The following ZNF268 variants were observed in gnomAD, a reference collection of about 807,000 sequenced individuals.
ZNF268 encodes the protein zinc finger protein 3.
In ZNF268, 20 loss-of-function variants were observed where a neutral mutation model predicts 29.3. That is an observed-to-expected ratio of 0.68 (90% CI 0.48 to 0.99). The LOEUF is 0.99. Ranked by LOEUF, ZNF268 falls within the 50% of genes least tolerant of loss-of-function variation. The probability of loss-of-function intolerance (pLI) is 0.00; values close to 1 mark genes in which losing one functional copy is unlikely to be tolerated. For missense variants in ZNF268, 1,240 were observed against 1,121.6 expected (o/e 1.11, Z -1.51); for synonymous variants, 429 against 376.9 (o/e 1.14, Z -1.60).
rs1365149315 is a variant in ZNF268 at position 133,212,487 on chromosome 12, ATATATATATATG to A, written c.*7966_*7977del. ...TATATATATATATATATATATATAT[ATATATATATATG>A]TATATATACACACACACATACACAC... On this transcript the variant is annotated 3_prime_UTR_variant, in exon 6 of 6. Transcript: ENST00000536435. The A allele has an allele frequency of 0.029, 629 of 21,778 alleles. 25 individuals are homozygous for A. The highest frequency in any genetic ancestry group is 0.16 in the African/African-American group (594 of 3,732). The allele number at this position is 21,778 out of a possible 1,614,324, so 1.3% of individuals were successfully genotyped here. A position where few individuals can be genotyped will look rare whatever the true frequency, so the allele number is the denominator to read the frequency against.
rs908975234 is a variant in ZNF268, at chr12:133,210,605, G to C, written c.*6075G>C. ...GTGATGCATCCCCCAGGTTGGTCCT[G>C]AGATGAGGTAAATTCTGGTCATCAC... is the stretch of plus-strand genomic sequence containing the variant. On this transcript the variant is annotated 3_prime_UTR_variant, in exon 6 of 6. Coordinates refer to ENST00000536435, the MANE Select transcript of ZNF268 (RefSeq NM_003415.3). 1.8e-5 allele frequency: 6 copies of C among 333,982 alleles called. No homozygotes were observed. The Admixed American group carries it at 2.3e-4, about 13-fold the overall frequency. The allele number at this position is 333,982 out of a possible 1,614,324, so 20.7% of individuals were successfully genotyped here.
In ZNF268 at chr12:133,204,594, ACT is replaced by A. The variant is rs902394146; in HGVS notation, c.*67_*68del. The A allele has an allele frequency of 7.0e-5, 86 of 1,226,804 alleles. 1 individual carries two copies. The African/African-American group carries it at 1.1e-3, about 15-fold the overall frequency. The allele number at this position is 1,226,804 out of a possible 1,614,324, so 76.0% of individuals were successfully genotyped here. A position where few individuals can be genotyped will look rare whatever the true frequency, so the allele number is the denominator to read the frequency against. ...TAGAAACAATCATATATAAAGAGAAACTCTGTAAGTGGAATCATCTTGTCATC... is the reference window on the plus strand; with the variant it reads ...TAGAAACAATCATATATAAAGAGAAACTGTAAGTGGAATCATCTTGTCATC... On this transcript the variant is annotated 3_prime_UTR_variant, in exon 6 of 6. Transcript: ENST00000536435.
Position 133,187,884 on chromosome 12 carries a change from C to G in ZNF268, c.46C>G (p.Gln16Glu). ...CTTGAGTCCACAGGTCCCACCTCTC[C>G]AAGAACGAAACAGTTCATGGGATAG... ...RTASIWVPPL[Q>E]ERNSSWDRIR... The change falls in exon 3 of 6, where the codon CAA becomes GAA. Residue 16 changes from glutamine to glutamate, a missense_variant. This residue lies in a region of ZNF268 where 51 missense variants were observed against 51.4 expected (regional missense o/e 0.99). Coordinates refer to ENST00000536435, the MANE Select transcript of ZNF268 (RefSeq NM_003415.3). 1.9e-6 allele frequency: 3 copies of G among 1,594,300 alleles called. No homozygotes were observed. The highest frequency in any genetic ancestry group is 1.1e-5 in the South Asian group (1 of 87,608).
rs1394530083 is a variant in ZNF268 at position 133,198,847 on chromosome 12, G to A, written c.458-3297G>A. Among the ~76,000 whole-genome samples the A allele has an allele frequency of 3.4e-5, 5 of 148,636 alleles. No individual in the cohort carries two copies. The South Asian group carries it at 8.6e-4, about 26-fold the overall frequency. On this transcript the variant is annotated intron_variant, in intron 5 of 5. Coordinates refer to ENST00000536435, the MANE Select transcript of ZNF268 (RefSeq NM_003415.3). ...TTTGGCTCTCTGTTTGTCTGTTATT[G>A]GTGTATAAGAATGCTTGTGATTTTT... is the stretch of plus-strand genomic sequence containing the variant.
rs1956892872 is a variant in ZNF268 at position 133,206,014 on chromosome 12, T to C, written c.*1484T>C. 6.6e-6 allele frequency: 1 copy of C among 152,250 alleles called. No homozygotes were observed. The highest frequency in any genetic ancestry group is 1.5e-5 in the Non-Finnish European group (1 of 68,040). The allele number at this position is 152,250 out of a possible 1,614,324, so 9.4% of individuals were successfully genotyped here. On this transcript the variant is annotated 3_prime_UTR_variant, in exon 6 of 6. Transcript: ENST00000536435. ...AACAGCTTTTGTTACTGTCATTTTC[T>C]TAACTTTGTTCACTTGTCTTTTATT... is the stretch of plus-strand genomic sequence containing the variant.
In ZNF268 at chr12:133,210,210, A is replaced by G. The variant is rs945617125; in HGVS notation, c.*5680A>G. The G allele has an allele frequency of 6.6e-6, 1 of 152,474 alleles. No homozygotes were observed. Among genetic ancestry groups the G allele is most frequent in the Non-Finnish European group, 1.5e-5 (1 of 68,270 alleles). 9.4% of individuals were successfully genotyped at this position (152,474 alleles called of 1,614,324 possible). On this transcript the variant is annotated 3_prime_UTR_variant, in exon 6 of 6. Coordinates refer to ENST00000536435, the MANE Select transcript of ZNF268 (RefSeq NM_003415.3). ...GACATCGCCCCAGATTGGTCCGGAA[A>G]GTGCACTGGTCGTCACTGTGGGTGT...
chr12:133,192,650 C>A (rs1195801964), intron 5 of ZNF268, among the ~76,000 whole-genome samples: 1 of 152,064 alleles, frequency 6.6e-6, no homozygotes, highest in African/African-American at 2.4e-5. Flanking sequence ...AGATTCTACC[C>A]CTTTTGTGCT....
At chr12:133,182,267 G>GT (rs1452205833) in intron 2 of ZNF268, among the ~76,000 whole-genome samples, 10 of 152,156 alleles carry the variant, frequency 6.6e-5, no homozygotes, top group Non-Finnish European at 1.5e-4. Flanking sequence ...GAACTTTGGA[G>GT]TTAAACAAGG....
chr12:133,181,857 TGGCA>T (rs1287196787), intron 1 of ZNF268, 85 bp from the exon 2 acceptor site: 1 of 798,924 alleles, frequency 1.3e-6, no homozygotes. Flanking sequence ...GCTCCGAGAA[TGGCA>T]GGCAGCCCTG....
chr12:133,202,736 T>A lies in ZNF268; in HGVS notation c.1050T>A (p.His350Gln). ...GTTTCCATTCACAGCTTGTTATACATCAGAGAATTCACACAGGTGAGAATC... is the reference window on the plus strand; with the variant it reads ...GTTTCCATTCACAGCTTGTTATACAACAGAGAATTCACACAGGTGAGAATC... The part of the protein sequence containing the change: ...TFSFHSQLVI[H>Q]QRIHTGENPY... The change falls in exon 6 of 6, where the codon CAT (histidine) becomes CAA (glutamine). Residue 350 changes from histidine to glutamine, a missense_variant. His to Gln is a conservative substitution (Grantham distance 24, BLOSUM62 0). Around this residue, in one of 3 missense-constraint regions of ZNF268, gnomAD observed 1,177 missense variants for 1,039.6 expected, o/e 1.13. Transcript: ENST00000536435. 6.2e-7 allele frequency: 1 copy of A among 1,611,962 alleles called. No homozygotes were observed. Among genetic ancestry groups the A allele is most frequent in the Non-Finnish European group, 8.5e-7 (1 of 1,179,260 alleles).
chr12:133,210,656 G>T lies in ZNF268; in HGVS notation c.*6126G>T. On this transcript the variant is annotated 3_prime_UTR_variant, in exon 6 of 6. Coordinates refer to ENST00000536435, the MANE Select transcript of ZNF268 (RefSeq NM_003415.3). Reference sequence around the variant, plus strand: ...TGTGAAGTGCCCTCGGGGGTCTCCGGGTCCTGAGTAGAAGCAAGGTCTGTT... The same window carrying T: ...TGTGAAGTGCCCTCGGGGGTCTCCGTGTCCTGAGTAGAAGCAAGGTCTGTT... The T allele has an allele frequency of 2.8e-6, 1 of 354,604 alleles. No homozygotes were observed. The highest frequency in any genetic ancestry group is 3.7e-5 in the Admixed American group (1 of 27,358). The allele number at this position is 354,604 out of a possible 1,614,324, so 22.0% of individuals were successfully genotyped here.
At chr12:133,182,471 C>T (rs1956200618) in intron 2 of ZNF268, among the ~76,000 whole-genome samples, 1 of 152,040 alleles carries the variant, frequency 6.6e-6, no homozygotes, top group East Asian at 1.9e-4. Context: ...TCATCCCTGT[C>T]TTGAAGAACA....
Position 133,205,638 on chromosome 12 carries a change from A to G in ZNF268, c.*1108A>G, listed in dbSNP as rs574592541. The G allele has an allele frequency of 1.3e-5, 2 of 152,214 alleles. No homozygotes were observed. Among genetic ancestry groups the G allele is most frequent in the Non-Finnish European group, 2.9e-5 (2 of 68,038 alleles). 9.4% of individuals were successfully genotyped at this position (152,214 alleles called of 1,614,324 possible). A position where few individuals can be genotyped will look rare whatever the true frequency, so the allele number is the denominator to read the frequency against. ...CTAAAAATGCATTTCCACACTGCAA[A>G]CATTTTTTAGGGCTATCTTCTGCCC... On this transcript the variant is annotated 3_prime_UTR_variant, in exon 6 of 6. Coordinates refer to ENST00000536435, the MANE Select transcript of ZNF268 (RefSeq NM_003415.3).
At position 133,210,463 on chromosome 12, in the gene ZNF268, G is replaced by GC. The variant is rs770667403; in HGVS notation, c.*5937dup. On this transcript the variant is annotated 3_prime_UTR_variant, in exon 6 of 6. Transcript: ENST00000536435. ...AAGCTCAGAACCTCACTGTGGATTT[G>GC]CCCCACTAGGGTCCCTAGGTCAGTC... The GC allele has an allele frequency of 2.1e-4, 42 of 202,408 alleles. No individual in the cohort carries two copies. Among genetic ancestry groups the GC allele is most frequent in the Non-Finnish European group, 3.7e-4 (36 of 96,372 alleles). 12.5% of individuals were successfully genotyped at this position (202,408 alleles called of 1,614,324 possible).
intron 3 of ZNF268, among the ~76,000 whole-genome samples, chr12:133,189,214 CT>C (rs561890644): frequency 0.24 from 31,000 of 129,398 alleles, 2,395 homozygotes; most frequent in Middle Eastern, 0.28. Context: ...GTCTTAATTC[CT>C]TTTTTTTTTT....
At position 133,207,105 on chromosome 12, in the gene ZNF268, A is replaced by C. The variant is rs1956911706; in HGVS notation, c.*2575A>C. 1 of 152,212 alleles carries C rather than the reference A, an allele frequency of 6.6e-6. No homozygotes were observed. The allele number at this position is 152,212 out of a possible 1,614,324, so 9.4% of individuals were successfully genotyped here. On this transcript the variant is annotated 3_prime_UTR_variant, in exon 6 of 6. Coordinates refer to ENST00000536435, the MANE Select transcript of ZNF268 (RefSeq NM_003415.3). ...ATTTAATGAAATGAAAATTTTACAA[A>C]ACAGAAATTGAGTTACTGGTTTGTA... is the stretch of plus-strand genomic sequence containing the variant.
intron 2 of ZNF268, among the ~76,000 whole-genome samples, chr12:133,187,322 C>G (rs1956347884): frequency 6.6e-6 from 1 of 151,754 alleles, no homozygotes; most frequent in Non-Finnish European, 1.5e-5. Flanking sequence ...TCACATTTTC[C>G]AGATTTCACA....
chr12:133,202,080 G>C, intron 5 of ZNF268, 64 bp from the exon 6 acceptor site: 1 of 1,331,276 alleles, frequency 7.5e-7, no homozygotes, highest in Non-Finnish European at 1.0e-6. Flanking sequence ...TATTTCATAG[G>C]CAACTTTCTA....
intron 2 of ZNF268, among the ~76,000 whole-genome samples, chr12:133,182,289 A>G (rs1000973737): frequency 6.5e-4 from 99 of 152,158 alleles, no homozygotes; most frequent in African/African-American, 2.3e-3. Flanking sequence ...ATACTCACAC[A>G]TCTTTCAGTT....
Sources: allele counts gnomAD v4.1 joint callset (sites outside exome capture counted in the v4.1 genomes callset), GRCh38; gene constraint gnomAD v4.1.1; regional missense constraint gnomAD v4.1.1; transcripts MANE v1.5; gene names NCBI Gene and HGNC (gene_info 2026-07-23, HGNC 2026-07-21).